The following HS3ST4 variants were observed in gnomAD, a reference collection of about 807,000 sequenced individuals.
HS3ST4 encodes heparan sulfate glucosamine 3-O-sulfotransferase 4.
HS3ST4 carries 17 observed loss-of-function variants against 29.2 expected under a neutral mutation model. The ratio of observed to expected loss-of-function variants is 0.58; its 90% CI spans 0.40 to 0.87. HS3ST4 has a LOEUF of 0.87. HS3ST4 is among the 40% of genes least tolerant of loss of function. HS3ST4 has a pLI of 0.00. For missense variants in HS3ST4, 627 were observed against 634.5 expected (o/e 0.99, Z 0.13); for synonymous variants, 314 against 285.7 (o/e 1.10, Z -1.00).
intron 1 of HS3ST4, among the ~76,000 whole-genome samples, chr16:25,964,612 T>A (rs1337616782): frequency 6.6e-6 from 1 of 152,212 alleles, no homozygotes; most frequent in African/African-American, 2.4e-5. Flanking sequence ...ATGATGGAGC[T>A]GGGTTTTGAT....
intron 1 of HS3ST4, among the ~76,000 whole-genome samples, chr16:25,750,057 A>ATGGTATC (rs1966709288): frequency 6.6e-6 from 1 of 152,194 alleles, no homozygotes; most frequent in Admixed American, 6.5e-5. Context: ...GTTTCCCTCC[A>ATGGTATC]TGGTATCTGG....
chr16:25,932,370 T>G (rs1393698228), intron 1 of HS3ST4, among the ~76,000 whole-genome samples: 1 of 152,164 alleles, frequency 6.6e-6, no homozygotes, highest in African/African-American at 2.4e-5. Context: ...CCCCACAAAT[T>G]GCAATGGGGC....
chr16:25,883,049 AT>A (rs1195743066), intron 1 of HS3ST4, among the ~76,000 whole-genome samples: 3 of 151,328 alleles, frequency 2.0e-5, no homozygotes, highest in Non-Finnish European at 2.9e-5. Flanking sequence ...TATTTTTATT[AT>A]TATCTCATAT....
At chr16:26,124,784 C>T (rs1360110425) in intron 1 of HS3ST4, among the ~76,000 whole-genome samples, 1 of 152,160 alleles carries the variant, frequency 6.6e-6, no homozygotes, top group Non-Finnish European at 1.5e-5. Context: ...GTGAAAACAC[C>T]ATTAGAGTTG....
chr16:26,021,764 A>G (rs1468851983), intron 1 of HS3ST4, among the ~76,000 whole-genome samples: 1 of 151,892 alleles, frequency 6.6e-6, no homozygotes, highest in East Asian at 1.9e-4. Flanking sequence ...CCTGAGTTCA[A>G]GTGATTCTCC....
chr16:26,004,707 A>T (rs143884515), intron 1 of HS3ST4, among the ~76,000 whole-genome samples: 1 of 152,200 alleles, frequency 6.6e-6, no homozygotes, highest in African/African-American at 2.4e-5. Flanking sequence ...CAACTGGGGA[A>T]ACTTAAATCA....
intron 1 of HS3ST4, among the ~76,000 whole-genome samples, chr16:25,856,901 C>A (rs753197836): frequency 1.3e-5 from 2 of 152,104 alleles, no homozygotes; most frequent in African/African-American, 2.4e-5. Flanking sequence ...AATGATCAAG[C>A]CTGAGGGGTG....
At chr16:25,900,157 A>G (rs549853957) in intron 1 of HS3ST4, among the ~76,000 whole-genome samples, 33 of 152,298 alleles carry the variant, frequency 2.2e-4, no homozygotes, top group South Asian at 4.1e-4. Context: ...TTATCTTGGT[A>G]ATCTTGTCAT....
Position 25,788,465 on chromosome 16 carries a change from A to G in HS3ST4, c.734+95314A>G, listed in dbSNP as rs551618061. 5.3e-4 allele frequency among the ~76,000 whole-genome samples: 79 copies of G among 148,890 alleles called. 1 individual carries two copies. The highest frequency in any genetic ancestry group is 5.1e-3 in the South Asian group (24 of 4,712). On this transcript the variant is annotated intron_variant, in intron 1 of 1. Coordinates refer to ENST00000331351, the MANE Select transcript of HS3ST4 (RefSeq NM_006040.3). ...TTCAGTAAGTCTCTGTGAATAATCT[A>G]CGTATTATTTCACTTTCTCCCTGTT...
At chr16:25,748,661 A>G (rs997142535) in intron 1 of HS3ST4, among the ~76,000 whole-genome samples, 11 of 152,174 alleles carry the variant, frequency 7.2e-5, no homozygotes, top group Non-Finnish European at 1.5e-4. Context: ...TCTCCATCCA[A>G]ATATTATTCC....
chr16:25,971,889 C>T (rs1269522643), intron 1 of HS3ST4, among the ~76,000 whole-genome samples: 2 of 152,154 alleles, frequency 1.3e-5, no homozygotes, highest in Non-Finnish European at 2.9e-5. Flanking sequence ...CAAGATCGTG[C>T]CACTGGACTC....
rs141252993 is a variant in HS3ST4, at chr16:25,991,249, G to C, written c.735-144363G>C. Among the ~76,000 whole-genome samples, 713 of 152,332 alleles carry C rather than the reference G, an allele frequency of 4.7e-3. 5 individuals carry two copies. Among genetic ancestry groups the C allele is most frequent in the African/African-American group, 0.016 (675 of 41,578 alleles). ...GATACTAAATAGATATTTTAACTAAGTGGAACATTTCTTGCTTCAATTAAT... is the reference window on the plus strand; with the variant it reads ...GATACTAAATAGATATTTTAACTAACTGGAACATTTCTTGCTTCAATTAAT... On this transcript the variant is annotated intron_variant, in intron 1 of 1. Transcript: ENST00000331351.
At chr16:25,904,155 A>G (rs111930785) in intron 1 of HS3ST4, among the ~76,000 whole-genome samples, 11 of 52,688 alleles carry the variant, frequency 2.1e-4, no homozygotes, top group East Asian at 1.0e-3. Context: ...TGGATGGATG[A>G]ATGGATGAAT....
At chr16:25,915,965 A>G (rs1968289528) in intron 1 of HS3ST4, among the ~76,000 whole-genome samples, 1 of 152,338 alleles carries the variant, frequency 6.6e-6, no homozygotes, top group South Asian at 2.1e-4. Flanking sequence ...GGCATGTAGC[A>G]AGTCCCCAGA....
intron 1 of HS3ST4, among the ~76,000 whole-genome samples, chr16:25,899,568 C>T (rs937658145): frequency 5.3e-5 from 8 of 151,902 alleles, no homozygotes; most frequent in African/African-American, 1.2e-4. Context: ...TGCAGTGGTG[C>T]GATCTCAGCT....
In HS3ST4 at chr16:26,040,211, G is replaced by A. The variant is rs139862945; in HGVS notation, c.735-95401G>A. On this transcript the variant is annotated intron_variant, in intron 1 of 1. Coordinates refer to ENST00000331351, the MANE Select transcript of HS3ST4 (RefSeq NM_006040.3). ...TGGACATGTTTGTGTCTATTTACTG[G>A]AAATTAGATTCTCTCCCCCTTTGAC... is the stretch of plus-strand genomic sequence containing the variant. 2.6e-3 allele frequency among the ~76,000 whole-genome samples: 402 copies of A among 151,886 alleles called. 2 individuals are homozygous for A. The highest frequency in any genetic ancestry group is 9.5e-3 in the African/African-American group (393 of 41,450).
intron 1 of HS3ST4, among the ~76,000 whole-genome samples, chr16:25,899,094 A>T (rs114007270): frequency 6.6e-6 from 1 of 151,994 alleles, no homozygotes; most frequent in Non-Finnish European, 1.5e-5. Context: ...TCTCTTTCCA[A>T]TCTCTCTGTT....
chr16:26,084,962 C>A (rs1898768092), intron 1 of HS3ST4, among the ~76,000 whole-genome samples: 2 of 152,136 alleles, frequency 1.3e-5, no homozygotes, highest in Admixed American at 1.3e-4. Context: ...CTTTGAGTTC[C>A]TGGTTGCTAA....
intron 1 of HS3ST4, among the ~76,000 whole-genome samples, chr16:25,861,912 T>G (rs898894519): frequency 2.0e-5 from 3 of 152,232 alleles, no homozygotes; most frequent in Non-Finnish European, 4.4e-5. Flanking sequence ...CACTAATTTT[T>G]GGGCATAGCT....
Sources: gnomAD v4.1 joint callset for allele counts (sites outside exome capture counted in the v4.1 genomes callset) on GRCh38, gnomAD v4.1.1 for gene constraint, MANE v1.5 for transcripts, NCBI Gene and HGNC (gene_info 2026-07-23, HGNC 2026-07-21) for gene names.